The following ANKRD44 variants were observed in gnomAD, a reference collection of about 807,000 sequenced individuals.
ANKRD44 encodes ankyrin repeat domain 44.
A neutral mutation model predicts 116.0 loss-of-function variants in ANKRD44; 35 were observed. That is an observed-to-expected ratio of 0.30 (90% CI 0.23 to 0.40). The LOEUF is 0.40. Among genes scored for constraint, ANKRD44 ranks in the 10% least tolerant of loss-of-function variants. The pLI, the probability that ANKRD44 is intolerant of heterozygous loss-of-function variation, is 1.00. For missense variants in ANKRD44, 1,014 were observed against 1,242.6 expected, an observed-to-expected ratio of 0.82 and a Z score of 2.77; for synonymous variants, 435 against 461.8, an observed-to-expected ratio of 0.94 and a Z score of 0.74.
intron 16 of ANKRD44, among the ~76,000 whole-genome samples, chr2:197,072,093 A>AGGAAGGAAGGAAGGAG (rs2077573930): frequency 1.3e-5 from 2 of 148,444 alleles, no homozygotes; most frequent in African/African-American, 5.1e-5. Context: ...GAAGGAAGGA[A>AGGAAGGAAGGAAGGAG]GGAAGGAAAA....
intron 3 of ANKRD44, among the ~76,000 whole-genome samples, chr2:197,139,504 G>T (rs966915789): frequency 6.6e-6 from 1 of 152,106 alleles, no homozygotes; most frequent in Non-Finnish European, 1.5e-5. Flanking sequence ...TATGGCTAAG[G>T]AGTATAAATA....
intron 1 of ANKRD44, among the ~76,000 whole-genome samples, chr2:197,273,960 C>CA (rs1158937486): frequency 0.031 from 291 of 9,306 alleles, 57 homozygotes; most frequent in African/African-American, 0.075. Context: ...CAACCAACCA[C>CA]AAAAAAAAAA....
intron 15 of ANKRD44, among the ~76,000 whole-genome samples, chr2:197,081,437 A>T (rs547867747): frequency 6.2e-4 from 95 of 152,314 alleles, no homozygotes; most frequent in Non-Finnish European, 9.7e-4. Context: ...AGCAAAGCGT[A>T]CAATTTTAGA....
chr2:197,096,238 G>A lies in ANKRD44; in HGVS notation c.1100+3578C>T, dbSNP rs139586221. Among the ~76,000 whole-genome samples, 379 of 152,220 alleles carry A rather than the reference G, an allele frequency of 2.5e-3. 1 individual carries two copies. The highest frequency in any genetic ancestry group is 0.016 in the East Asian group (85 of 5,182). On this transcript the variant is annotated intron_variant, in intron 10 of 27. Coordinates refer to ENST00000282272, the MANE Select transcript of ANKRD44 (RefSeq NM_001195144.2). Reference sequence around the variant, plus strand: ...GGGATCATAAATTCCTCAAGGGCAGGGACCTCTATAATCCCAGAACCTGGC... The same window carrying A: ...GGGATCATAAATTCCTCAAGGGCAGAGACCTCTATAATCCCAGAACCTGGC...
In ANKRD44 at chr2:197,184,819, TA is replaced by T. The variant is rs570991144; in HGVS notation, c.111+2203del. ...TGTTCATAAAGAGACCTAAACTTCATACATCATACATCCATCATACATTTAG... is the reference window on the plus strand; with the variant it reads ...TGTTCATAAAGAGACCTAAACTTCATCATCATACATCCATCATACATTTAG... On this transcript the variant is annotated intron_variant, in intron 2 of 27. Transcript: ENST00000282272. 9.9e-5 allele frequency among the ~76,000 whole-genome samples: 15 copies of T among 152,236 alleles called. No homozygotes were observed. The South Asian group carries it at 3.1e-3, about 32-fold the overall frequency.
intron 16 of ANKRD44, among the ~76,000 whole-genome samples, chr2:197,071,396 A>C (rs887872069): frequency 1.1e-4 from 17 of 152,200 alleles, no homozygotes; most frequent in African/African-American, 4.1e-4. Flanking sequence ...TTGTACTTTC[A>C]TTTTCATTCA....
intron 16 of ANKRD44, among the ~76,000 whole-genome samples, chr2:197,059,243 A>C (rs2077262982): frequency 6.6e-6 from 1 of 152,220 alleles, no homozygotes; most frequent in Admixed American, 6.6e-5. Flanking sequence ...TGAATACAAA[A>C]AAGTATTAAC....
At chr2:197,244,070 A>G (rs2082141625) in intron 1 of ANKRD44, among the ~76,000 whole-genome samples, 1 of 152,216 alleles carries the variant, frequency 6.6e-6, no homozygotes, top group African/African-American at 2.4e-5. Context: ...CTGTCATCCA[A>G]AACAAAAGTA....
chr2:197,196,342 G>A (rs1000328759), intron 1 of ANKRD44, among the ~76,000 whole-genome samples: 10 of 152,200 alleles, frequency 6.6e-5, no homozygotes, highest in African/African-American at 2.4e-4. Flanking sequence ...AGAGACAGCA[G>A]TTCAGTTTTA....
chr2:197,132,038 T>C (rs1372304374), intron 4 of ANKRD44, among the ~76,000 whole-genome samples: 2 of 152,252 alleles, frequency 1.3e-5, no homozygotes, highest in African/African-American at 2.4e-5. Flanking sequence ...GCTGGCACTA[T>C]AAAAGATGTT....
intron 16 of ANKRD44, among the ~76,000 whole-genome samples, chr2:197,061,987 G>A (rs1006977317): frequency 6.6e-5 from 10 of 152,116 alleles, no homozygotes; most frequent in African/African-American, 2.4e-4. Flanking sequence ...CACCATGTTG[G>A]TCAGGCTGGT....
chr2:197,154,376 T>A (rs1337154342), intron 2 of ANKRD44, among the ~76,000 whole-genome samples: 1 of 151,756 alleles, frequency 6.6e-6, no homozygotes, highest in Non-Finnish European at 1.5e-5. Context: ...AGACGGGGTT[T>A]CACCATGTTA....
chr2:197,123,791 G>C (rs954324581), intron 6 of ANKRD44, among the ~76,000 whole-genome samples: 20 of 152,066 alleles, frequency 1.3e-4, no homozygotes, highest in African/African-American at 4.6e-4. Flanking sequence ...GTGTTGGGGT[G>C]GGGGGAAAGT....
At chr2:197,282,799 A>G (rs1022834142) in intron 1 of ANKRD44, among the ~76,000 whole-genome samples, 20 of 152,258 alleles carry the variant, frequency 1.3e-4, no homozygotes, top group African/African-American at 4.6e-4. Context: ...TCTCTACTAA[A>G]AATACAAAAA....
chr2:197,166,180 C>G (rs2080097641), intron 2 of ANKRD44, among the ~76,000 whole-genome samples: 1 of 152,160 alleles, frequency 6.6e-6, no homozygotes, highest in Non-Finnish European at 1.5e-5. Flanking sequence ...TCCCTAACAC[C>G]TTCTTTACAC....
rs939444893 is a variant in ANKRD44, at chr2:196,987,077, T to C, written c.*2514A>G. ...AACTACCAAATAAAAGATATTTGCA[T>C]TGAATTTTTAGATCACATAAGAAAC... is the stretch of plus-strand genomic sequence containing the variant. On this transcript the variant is annotated 3_prime_UTR_variant, in exon 28 of 28. Coordinates refer to ENST00000282272, the MANE Select transcript of ANKRD44 (RefSeq NM_001195144.2). 1.2e-5 allele frequency: 12 copies of C among 984,788 alleles called. No individual in the cohort carries two copies. The East Asian group carries it at 5.7e-4, about 46-fold the overall frequency. The allele number at this position is 984,788 out of a possible 1,614,324, so 61.0% of individuals were successfully genotyped here.
chr2:197,218,006 G>A (rs187631379), intron 1 of ANKRD44, among the ~76,000 whole-genome samples: 5 of 152,082 alleles, frequency 3.3e-5, no homozygotes, highest in African/African-American at 9.7e-5. Flanking sequence ...AATAGTGCTA[G>A]TATTTACATA....
intron 3 of ANKRD44, among the ~76,000 whole-genome samples, chr2:197,140,729 A>T (rs932746686): frequency 2.0e-5 from 3 of 152,134 alleles, no homozygotes; most frequent in Non-Finnish European, 2.9e-5. Flanking sequence ...CACACATCCC[A>T]AAAAACCCCA....
intron 1 of ANKRD44, among the ~76,000 whole-genome samples, chr2:197,213,195 A>G (rs1221964886): frequency 6.6e-6 from 1 of 152,186 alleles, no homozygotes; most frequent in Non-Finnish European, 1.5e-5. Context: ...CCCCTCTAAC[A>G]CAGTCTGGTA....
Sources: allele counts gnomAD v4.1 joint callset (sites outside exome capture counted in the v4.1 genomes callset), GRCh38; gene constraint gnomAD v4.1.1; transcripts MANE v1.5; gene names NCBI Gene and HGNC (gene_info 2026-07-23, HGNC 2026-07-21).